Variants in FER observed in about 807,000 individuals in gnomAD.
FER encodes FER tyrosine kinase, also known as tyrosine-protein kinase Fer.
A neutral mutation model predicts 111.0 loss-of-function variants in FER; 63 were observed. The ratio of observed to expected loss-of-function variants is 0.57; its 90% CI spans 0.46 to 0.70. The LOEUF (loss-of-function observed/expected upper bound fraction) is 0.70, where lower values mean the gene tolerates loss of function less well. FER is among the 30% of genes least tolerant of loss of function. The probability of loss-of-function intolerance (pLI) is 0.00; values close to 1 mark genes in which losing one functional copy is unlikely to be tolerated. For synonymous variants in FER, 327 were observed against 313.9 expected (o/e 1.04, Z -0.44); for missense variants, 914 against 954.0 (o/e 0.96, Z 0.55).
chr5:108,989,025 A>G (rs1265532011), intron 13 of FER, among the ~76,000 whole-genome samples: 1 of 152,022 alleles, frequency 6.6e-6, no homozygotes, highest in Non-Finnish European at 1.5e-5. Flanking sequence ...TTCCATCTTG[A>G]TTTCATTTGC....
intron 16 of FER, among the ~76,000 whole-genome samples, chr5:109,069,123 T>G (rs1235607979): frequency 7.6e-6 from 1 of 132,358 alleles, no homozygotes; most frequent in Non-Finnish European, 1.7e-5. Context: ...TCTTGATATT[T>G]GCAAATATTA....
chr5:108,812,347 C>T (rs9885168), intron 3 of FER, among the ~76,000 whole-genome samples: 66,745 of 151,982 alleles, frequency 0.44, 16,838 homozygotes, highest in African/African-American at 0.7. Flanking sequence ...ACTCTGGTAA[C>T]ATTCTTTGTT....
chr5:108,896,158 G>T (rs557644390), intron 9 of FER, among the ~76,000 whole-genome samples: 1 of 151,794 alleles, frequency 6.6e-6, no homozygotes, highest in South Asian at 2.1e-4. Flanking sequence ...GTCATTGTTG[G>T]AGTCTTTTTT....
intron 10 of FER, among the ~76,000 whole-genome samples, chr5:108,931,550 C>G (rs952360459): frequency 1.4e-4 from 22 of 152,262 alleles, no homozygotes; most frequent in African/African-American, 5.1e-4. Context: ...TCTAAATTCT[C>G]TTATCATTCC....
chr5:108,987,487 A>G (rs1428794899), intron 13 of FER, among the ~76,000 whole-genome samples: 2 of 152,302 alleles, frequency 1.3e-5, no homozygotes, highest in Middle Eastern at 3.4e-3. Flanking sequence ...AAAATCTTGT[A>G]GAGGTCTTTC....
intron 10 of FER, 94 bp from the exon 11 acceptor site, chr5:108,946,036 A>T: frequency 1.3e-6 from 1 of 747,566 alleles, no homozygotes; most frequent in South Asian, 2.0e-5. Context: ...GGAAGACATG[A>T]TGGATAAGCT....
intron 17 of FER, among the ~76,000 whole-genome samples, chr5:109,128,732 T>C (rs964202255): frequency 6.6e-6 from 1 of 152,146 alleles, no homozygotes; most frequent in Non-Finnish European, 1.5e-5. Flanking sequence ...ACACATATTA[T>C]GTAAATTTAA....
At chr5:108,971,895 C>T (rs536567822) in intron 13 of FER, among the ~76,000 whole-genome samples, 3 of 152,038 alleles carry the variant, frequency 2.0e-5, no homozygotes, top group South Asian at 4.2e-4. Context: ...TAGTCAGGTT[C>T]GTAGAGAATG....
chr5:109,095,808 G>A (rs1747442164), intron 16 of FER, among the ~76,000 whole-genome samples: 1 of 152,052 alleles, frequency 6.6e-6, no homozygotes. Context: ...CTATGATTTA[G>A]TATTTGCCTT....
intron 8 of FER, among the ~76,000 whole-genome samples, chr5:108,875,412 A>G (rs1764992172): frequency 6.6e-6 from 1 of 151,978 alleles, no homozygotes; most frequent in South Asian, 2.1e-4. Context: ...CTTTTTTTGC[A>G]TCTACCTTCT....
intron 10 of FER, among the ~76,000 whole-genome samples, chr5:108,937,669 T>A (rs1204349262): frequency 6.6e-6 from 1 of 151,838 alleles, no homozygotes; most frequent in Non-Finnish European, 1.5e-5. Flanking sequence ...GGGGAATAAA[T>A]GTTTCATGTA....
chr5:108,810,938 G>T (rs1447898343), intron 3 of FER, among the ~76,000 whole-genome samples: 2 of 152,250 alleles, frequency 1.3e-5, no homozygotes, highest in East Asian at 3.9e-4. Flanking sequence ...CTGGAGACCT[G>T]CCCTGGTGAG....
chr5:109,097,227 AAG>A (rs1451238552), intron 16 of FER, among the ~76,000 whole-genome samples: 1 of 151,892 alleles, frequency 6.6e-6, no homozygotes, highest in Non-Finnish European at 1.5e-5. Context: ...TCTTTTCACC[AAG>A]TCATGCTATC....
intron 16 of FER, among the ~76,000 whole-genome samples, chr5:109,069,426 C>T (rs1775511712): frequency 1.3e-5 from 2 of 152,062 alleles, no homozygotes; most frequent in Non-Finnish European, 2.9e-5. Flanking sequence ...TAAAAACTGT[C>T]AGAGATGGAT....
chr5:108,938,125 G>A (rs1311440057), intron 10 of FER, among the ~76,000 whole-genome samples: 1 of 151,306 alleles, frequency 6.6e-6, no homozygotes, highest in Non-Finnish European at 1.5e-5. Flanking sequence ...ATGGTTGACA[G>A]TACCTCAGAG....
chr5:109,037,056 T>G (rs73213509), intron 13 of FER, among the ~76,000 whole-genome samples: 1 of 152,196 alleles, frequency 6.6e-6, no homozygotes, highest in African/African-American at 2.4e-5. Context: ...ACTGAAAATT[T>G]TACATTGTAA....
At chr5:109,071,057 A>G (rs966453454) in intron 16 of FER, among the ~76,000 whole-genome samples, 1 of 152,050 alleles carries the variant, frequency 6.6e-6, no homozygotes. Context: ...GTGTATGTCT[A>G]TCTTCTATTA....
chr5:108,872,012 A>G (rs1351293872), intron 7 of FER, 81 bp from the exon 8 acceptor site: 73 of 1,339,638 alleles, frequency 5.4e-5, no homozygotes, highest in Middle Eastern at 2.0e-4. Flanking sequence ...ATAAAAACAA[A>G]TATTCTGCCT....
intron 16 of FER, among the ~76,000 whole-genome samples, chr5:109,057,815 A>G (rs1360580582): frequency 6.6e-6 from 1 of 152,232 alleles, no homozygotes; most frequent in Non-Finnish European, 1.5e-5. Context: ...AGAAAATGTT[A>G]CCAATTCTAT....
Sources: allele counts gnomAD v4.1 joint callset (sites outside exome capture counted in the v4.1 genomes callset), GRCh38; gene constraint gnomAD v4.1.1; transcripts MANE v1.5; gene names NCBI Gene and HGNC (gene_info 2026-07-23, HGNC 2026-07-21).